Variants in GRID2IP observed in about 807,000 individuals in gnomAD.
GRID2IP encodes Grid2 interacting protein.
Under a neutral mutation model 114.3 loss-of-function variants are expected in GRID2IP, and 78 were observed. The ratio of observed to expected loss-of-function variants is 0.68; its 90% CI spans 0.57 to 0.82. GRID2IP has a LOEUF of 0.82. Among genes scored for constraint, GRID2IP ranks in the 40% least tolerant of loss-of-function variants. The pLI is 0.00. For missense variants in GRID2IP, 1,727 were observed against 1,678.5 expected (o/e 1.03, Z -0.51); for synonymous variants, 809 against 724.0 (o/e 1.12, Z -1.89).
At chr7:6,545,533 T>A (rs567367118) in intron 1 of GRID2IP, among the ~76,000 whole-genome samples, 1 of 152,286 alleles carries the variant, frequency 6.6e-6, no homozygotes, top group South Asian at 2.1e-4. Context: ...GCTTTCTAGA[T>A]GATTCCAAAA....
Position 6,497,472 on chromosome 7 carries a change from G to T in GRID2IP, c.*302C>A, listed in dbSNP as rs527890182. On this transcript the variant is annotated 3_prime_UTR_variant, in exon 22 of 22. Coordinates refer to ENST00000457091, the MANE Select transcript of GRID2IP (RefSeq NM_001145118.2). ...GGCCACTTTGTAATCCACCCTCCAG[G>T]CCCCCCTGACAGCCTGGGAGCGAAG... 2.9e-5 allele frequency: 9 copies of T among 308,566 alleles called. No homozygotes were observed. Among genetic ancestry groups the T allele is most frequent in the African/African-American group, 1.5e-4 (7 of 46,074 alleles). 19.1% of individuals were successfully genotyped at this position (308,566 alleles called of 1,614,324 possible).
chr7:6,528,209 C>T lies in GRID2IP; in HGVS notation c.585-1440G>A, dbSNP rs939930956. On this transcript the variant is annotated intron_variant, in intron 2 of 21. Coordinates refer to ENST00000457091, the MANE Select transcript of GRID2IP (RefSeq NM_001145118.2). This position sits in a 1 kb window ranked among gnomAD's most constrained non-coding sequence, Gnocchi z 6.0. ...ACAACACCCAGCCTTGGAAGCTTTCCGGGGGTTATGTCTATAGTTCAATCC... is the reference window on the plus strand; with the variant it reads ...ACAACACCCAGCCTTGGAAGCTTTCTGGGGGTTATGTCTATAGTTCAATCC... Among the ~76,000 whole-genome samples the T allele has an allele frequency of 6.6e-5, 10 of 152,042 alleles. No individual in the cohort carries two copies. The highest frequency in any genetic ancestry group is 2.2e-4 in the African/African-American group (9 of 41,408).
chr7:6,526,775 G>A lies in GRID2IP; in HGVS notation c.585-6C>T, dbSNP rs895138254. On this transcript the variant is annotated splice_region_variant and splice_polypyrimidine_tract_variant and intron_variant, in intron 2 of 21. Transcript: ENST00000457091. This position sits in a 1 kb window ranked among gnomAD's most constrained non-coding sequence, Gnocchi z 7.6. ...GCTTCTTGGGGATGAAGATCCTGCC[G>A]GCGAGGACGGCGGAGTCGGGGCGCG... 7 of 1,509,088 alleles carry A rather than the reference G, an allele frequency of 4.6e-6. 1 individual carries two copies. The highest frequency in any genetic ancestry group is 3.8e-4 in the Middle Eastern group (2 of 5,326). The allele number at this position is 1,509,088 out of a possible 1,614,324, so 93.5% of individuals were successfully genotyped here. A position where few individuals can be genotyped will look rare whatever the true frequency, so the allele number is the denominator to read the frequency against.
At chr7:6,511,205 G>A (rs1169810659) in intron 8 of GRID2IP, among the ~76,000 whole-genome samples, 166 bp from the exon 9 acceptor site, 1 of 152,164 alleles carries the variant, frequency 6.6e-6, no homozygotes, top group Non-Finnish European at 1.5e-5. Context: ...GAAGCCCCAG[G>A]GCAAGAAACC....
At chr7:6,538,357 C>A (rs1223440819) in intron 2 of GRID2IP, among the ~76,000 whole-genome samples, 1 of 148,070 alleles carries the variant, frequency 6.8e-6, no homozygotes, top group South Asian at 2.1e-4. Context: ...CAGAGCGAGA[C>A]CCTGTCTCAA....
intron 1 of GRID2IP, among the ~76,000 whole-genome samples, chr7:6,544,046 C>G (rs1779849869): frequency 6.6e-6 from 1 of 152,056 alleles, no homozygotes; most frequent in African/African-American, 2.4e-5. Flanking sequence ...ATCCTCCCAC[C>G]TCGGCCTCCC....
chr7:6,509,641 C>G lies in GRID2IP; in HGVS notation c.1772-328G>C, dbSNP rs1432523075. On this transcript the variant is annotated intron_variant, in intron 11 of 21. Transcript: ENST00000457091. The surrounding 1 kb of genome is among the most constrained non-coding windows in gnomAD (Gnocchi z 4.9). Reference sequence around the variant, plus strand: ...TTTCTCTAGGGCCCAGAGCCACAGTCATGGAGCGTCTCGCGCACCCAGCAA... The same window carrying G: ...TTTCTCTAGGGCCCAGAGCCACAGTGATGGAGCGTCTCGCGCACCCAGCAA... Among the ~76,000 whole-genome samples the G allele has an allele frequency of 6.6e-6, 1 of 152,168 alleles. No homozygotes were observed. The highest frequency in any genetic ancestry group is 1.9e-4 in the East Asian group (1 of 5,192).
intron 2 of GRID2IP, among the ~76,000 whole-genome samples, chr7:6,535,361 G>A (rs986547333): frequency 2.6e-4 from 40 of 152,354 alleles, no homozygotes; most frequent in African/African-American, 9.6e-4. Flanking sequence ...TGTGTGGCCA[G>A]TGGCTACTGT....
At position 6,503,535 on chromosome 7, in the gene GRID2IP, C is replaced by A. The variant is rs1421992119; in HGVS notation, c.2863G>T (p.Glu955Ter). ...GGCTCGCTGAGGCGGCCGGGCGCCTCGCGGAAGGCCTGGTAGCGCTGCTCC... is the reference window on the plus strand; with the variant it reads ...GGCTCGCTGAGGCGGCCGGGCGCCTAGCGGAAGGCCTGGTAGCGCTGCTCC... ...DEEQRYQAFREAPGRLSEPDQ... is the reference protein window; with the variant it reads ...DEEQRYQAFR Residue 955 changes from glutamate to a stop codon, truncating the protein, a stop_gained, in exon 16 of 22, where the codon GAG (glutamate) becomes TAG (stop). Coordinates refer to ENST00000457091, the MANE Select transcript of GRID2IP (RefSeq NM_001145118.2). LOFTEE classifies it high-confidence loss of function. 8.5e-6 allele frequency: 13 copies of A among 1,526,556 alleles called. No homozygotes were observed. Among genetic ancestry groups the A allele is most frequent in the Non-Finnish European group, 1.0e-5 (12 of 1,143,418 alleles). The allele number at this position is 1,526,556 out of a possible 1,614,324, so 94.6% of individuals were successfully genotyped here.
chr7:6,502,728 G>C (rs553860677), intron 18 of GRID2IP, 58 bp downstream of exon 18: 5 of 1,268,162 alleles, frequency 3.9e-6, no homozygotes, highest in South Asian at 3.8e-5. Context: ...GCTAGGCCTG[G>C]CGTTAGCGCC....
At chr7:6,504,233 A>C (rs1437017004) in intron 15 of GRID2IP, among the ~76,000 whole-genome samples, 1 of 144,864 alleles carries the variant, frequency 6.9e-6, no homozygotes, top group African/African-American at 2.6e-5. Context: ...CCTGGCGGGT[A>C]GGAGCAAGGA....
chr7:6,530,691 A>T (rs949975263), intron 2 of GRID2IP, among the ~76,000 whole-genome samples: 61 of 152,036 alleles, frequency 4.0e-4, no homozygotes, highest in African/African-American at 1.4e-3. Context: ...GTGCCCCCCA[A>T]ACTCAGGACG....
At chr7:6,529,823 G>A (rs1779582647) in intron 2 of GRID2IP, among the ~76,000 whole-genome samples, 2 of 152,076 alleles carry the variant, frequency 1.3e-5, no homozygotes, top group Admixed American at 1.3e-4. Flanking sequence ...TCTTCCTGGG[G>A]GCCACACAAT....
At position 6,516,110 on chromosome 7, in the gene GRID2IP, TAAAA is replaced by T. The variant is rs1228864854; in HGVS notation, c.1269-1585_1269-1582del. 7.2e-4 allele frequency among the ~76,000 whole-genome samples: 45 copies of T among 62,248 alleles called. No homozygotes were observed. Among genetic ancestry groups the T allele is most frequent in the South Asian group, 5.8e-3 (14 of 2,418 alleles). 40.8% of individuals were successfully genotyped at this position (62,248 alleles called of 152,430 possible). ...AGACCCCGTCTCAAAATAATAATAA[TAAAA>T]AATAAATAAATAAATAAATAAAAAT... On this transcript the variant is annotated intron_variant, in intron 7 of 21. Transcript: ENST00000457091. The surrounding 1 kb of genome is among the most constrained non-coding windows in gnomAD (Gnocchi z 4.3).
At chr7:6,543,843 G>A (rs116166747) in intron 1 of GRID2IP, among the ~76,000 whole-genome samples, 8,218 of 151,796 alleles carry the variant, frequency 0.054, 335 homozygotes, top group African/African-American at 0.11. Context: ...TCACTCTGTC[G>A]CTCTGTGCAG....
In GRID2IP at chr7:6,534,615, G is replaced by A. The variant is rs1044677656; in HGVS notation, c.584+5103C>T. ...ATCCGCCTGGTCCTGTACGGTAGCC[G>A]CTAGCCATATGTCACTGTCACTGTT... On this transcript the variant is annotated intron_variant, in intron 2 of 21. Coordinates refer to ENST00000457091, the MANE Select transcript of GRID2IP (RefSeq NM_001145118.2). The surrounding 1 kb of genome is among the most constrained non-coding windows in gnomAD (Gnocchi z 4.5). 9.2e-5 allele frequency among the ~76,000 whole-genome samples: 14 copies of A among 152,200 alleles called. No individual in the cohort carries two copies. The highest frequency in any genetic ancestry group is 5.9e-4 in the Admixed American group (9 of 15,270).
chr7:6,509,185 C>A lies in GRID2IP; in HGVS notation c.1900G>T (p.Asp634Tyr). Residue 634 changes from aspartate to tyrosine, a missense_variant, in exon 12 of 22, where the codon GAC (aspartate) becomes TAC (tyrosine). By Grantham distance (160) the Asp-to-Tyr change is radical. Coordinates refer to ENST00000457091, the MANE Select transcript of GRID2IP (RefSeq NM_001145118.2). The surrounding 1 kb of genome is among the most constrained non-coding windows in gnomAD (Gnocchi z 4.9). ...TGTGGGGAGGGTGCCCTGCTGCTGT[C>A]CAGGCTGGCGTAGGGGTGGGACTCA... Reference protein sequence around the residue: ...SSESHPYASLDSSRAPSPQPG... With the variant: ...SSESHPYASLYSSRAPSPQPG... The A allele has an allele frequency of 6.8e-7, 1 of 1,480,122 alleles. No homozygotes were observed. Among genetic ancestry groups the A allele is most frequent in the Non-Finnish European group, 9.0e-7 (1 of 1,112,766 alleles). The allele number at this position is 1,480,122 out of a possible 1,614,324, so 91.7% of individuals were successfully genotyped here.
rs1006668391 is a variant in GRID2IP at position 6,534,607 on chromosome 7, C to T, written c.584+5111G>A. On this transcript the variant is annotated intron_variant, in intron 2 of 21. Coordinates refer to ENST00000457091, the MANE Select transcript of GRID2IP (RefSeq NM_001145118.2). The surrounding 1 kb of genome is among the most constrained non-coding windows in gnomAD (Gnocchi z 4.5). ...AGGTCTACATCCGCCTGGTCCTGTA[C>T]GGTAGCCGCTAGCCATATGTCACTG... 2.6e-5 allele frequency among the ~76,000 whole-genome samples: 4 copies of T among 152,190 alleles called. No individual in the cohort carries two copies. The highest frequency in any genetic ancestry group is 2.9e-5 in the Non-Finnish European group (2 of 68,044).
At position 6,536,493 on chromosome 7, in the gene GRID2IP, G is replaced by A. The variant is rs919014560; in HGVS notation, c.584+3225C>T. Among the ~76,000 whole-genome samples the A allele has an allele frequency of 9.2e-5, 14 of 152,162 alleles. No homozygotes were observed. The highest frequency in any genetic ancestry group is 3.4e-4 in the African/African-American group (14 of 41,458). ...GGCGGCTGGGAAAGGCGGGCATGGG[G>A]CTGTCCCGGGGGGCAGGCGGGCTGG... is the stretch of plus-strand genomic sequence containing the variant. On this transcript the variant is annotated intron_variant, in intron 2 of 21. Transcript: ENST00000457091. The surrounding 1 kb of genome is among the most constrained non-coding windows in gnomAD (Gnocchi z 5.3).
Sources: allele counts gnomAD v4.1 joint callset (sites outside exome capture counted in the v4.1 genomes callset), GRCh38; gene constraint gnomAD v4.1.1; non-coding constraint Gnocchi (gnomAD v3.1); transcripts MANE v1.5; gene names NCBI Gene and HGNC (gene_info 2026-07-23, HGNC 2026-07-21).